The following ARHGEF7 variants were observed in gnomAD, a reference collection of about 807,000 sequenced individuals.
The protein encoded by ARHGEF7 is PAK-interacting exchange factor beta.
A neutral mutation model predicts 109.8 loss-of-function variants in ARHGEF7; 33 were observed. The observed-to-expected ratio is 0.30, with a 90% CI of 0.23 to 0.40. The LOEUF (loss-of-function observed/expected upper bound fraction) is 0.40. Ranked by LOEUF, ARHGEF7 falls within the 10% of genes least tolerant of loss-of-function variation. The pLI is 1.00. For missense variants in ARHGEF7, 938 were observed against 1,098.5 expected (o/e 0.85, Z 2.07); for synonymous variants, 458 against 424.6 (o/e 1.08, Z -0.97).
intron 19 of ARHGEF7, chr13:111,293,436 TAAAAAAAAAAAAAA>T (rs11319592): frequency 1.5e-5 from 14 of 911,372 alleles, no homozygotes; most frequent in Non-Finnish European, 1.8e-5. Context: ...CTCACTTATT[TAAAAAAAAAAAAAA>T]AAAACTCACC....
rs75596282 is a variant in ARHGEF7, at chr13:111,285,362, G to A, written c.1951-785G>A. Among the ~76,000 whole-genome samples the A allele has an allele frequency of 8.3e-3, 1,257 of 152,300 alleles. 12 individuals carry two copies. The highest frequency in any genetic ancestry group is 0.02 in the Middle Eastern group (6 of 294). ...AGTCTTGGTCTCGCGTTTAGCATTC[G>A]TGATGGTTTATGTCGTTGGGGTGAT... On this transcript the variant is annotated intron_variant, in intron 16 of 21. Coordinates refer to ENST00000646102, the MANE Select transcript of ARHGEF7 (RefSeq NM_001354046.2).
At chr13:111,261,321 A>T (rs1204591106) in intron 8 of ARHGEF7, among the ~76,000 whole-genome samples, 1 of 152,242 alleles carries the variant, frequency 6.6e-6, no homozygotes. Context: ...AGGAGTAGCT[A>T]GACTTATATC....
At chr13:111,282,441 C>T (rs1426512484) in intron 15 of ARHGEF7, among the ~76,000 whole-genome samples, 1 of 152,008 alleles carries the variant, frequency 6.6e-6, no homozygotes, top group Non-Finnish European at 1.5e-5. Context: ...GCACACCGCT[C>T]TAAGAAGTTA....
intron 7 of ARHGEF7, 61 bp from the exon 8 acceptor site, chr13:111,244,138 A>G: frequency 7.3e-7 from 1 of 1,366,640 alleles, no homozygotes; most frequent in Non-Finnish European, 1.0e-6. Context: ...TGGGATGGCA[A>G]AGGAGAAGAA....
chr13:111,121,634 C>T (rs2067208426), intron 1 of ARHGEF7, among the ~76,000 whole-genome samples: 1 of 152,152 alleles, frequency 6.6e-6, no homozygotes, highest in Non-Finnish European at 1.5e-5. Flanking sequence ...AGAGGCACAT[C>T]ATCCCTTTGG....
intron 4 of ARHGEF7, among the ~76,000 whole-genome samples, chr13:111,215,969 G>A (rs111870092): frequency 3.8e-4 from 58 of 152,254 alleles, no homozygotes; most frequent in African/African-American, 1.1e-3. Context: ...TGGTGCGTGG[G>A]AGGTAAATTT....
At chr13:111,246,208 G>A (rs540949839) in intron 8 of ARHGEF7, among the ~76,000 whole-genome samples, 127 of 152,290 alleles carry the variant, frequency 8.3e-4, no homozygotes, top group African/African-American at 2.9e-3. Flanking sequence ...TATCAGGTGA[G>A]GTTTCTTTAC....
rs936979979 is a variant in ARHGEF7 at position 111,126,022 on chromosome 13, A to G, written c.165+10331A>G. Among the ~76,000 whole-genome samples the G allele has an allele frequency of 2.6e-5, 4 of 152,340 alleles. No homozygotes were observed. The South Asian group carries it at 6.2e-4, about 24-fold the overall frequency. On this transcript the variant is annotated intron_variant, in intron 1 of 21. Transcript: ENST00000646102. ...GTGGAATCAGTCCAGGCCTCTGTTTACCTTGAGCAATGTCATTGGGGCTTC... is the reference window on the plus strand; with the variant it reads ...GTGGAATCAGTCCAGGCCTCTGTTTGCCTTGAGCAATGTCATTGGGGCTTC...
chr13:111,265,953 G>A (rs1567010418), intron 8 of ARHGEF7, among the ~76,000 whole-genome samples: 1 of 152,238 alleles, frequency 6.6e-6, no homozygotes, highest in East Asian at 1.9e-4. Context: ...CTGAGGCCGT[G>A]TGCTTATCGG....
chr13:111,256,053 G>A (rs1245065507), intron 8 of ARHGEF7, among the ~76,000 whole-genome samples: 1 of 151,974 alleles, frequency 6.6e-6, no homozygotes, highest in African/African-American at 2.4e-5. Flanking sequence ...ATTTTTAACC[G>A]CCAGCTAGTT....
intron 1 of ARHGEF7, among the ~76,000 whole-genome samples, chr13:111,127,668 AAAAAAG>A (rs1280346703): frequency 2.3e-4 from 35 of 149,746 alleles, no homozygotes; most frequent in South Asian, 1.1e-3. Flanking sequence ...AAAAAAAAAA[AAAAAAG>A]AAGGAAGGAA....
intron 2 of ARHGEF7, among the ~76,000 whole-genome samples, chr13:111,175,218 C>T (rs985474771): frequency 6.6e-6 from 1 of 152,232 alleles, no homozygotes; most frequent in Non-Finnish European, 1.5e-5. Context: ...CTGAGGGCCC[C>T]TGTGGGTCCC....
chr13:111,271,627 C>G, intron 9 of ARHGEF7, among the ~76,000 whole-genome samples: 1 of 152,206 alleles, frequency 6.6e-6, no homozygotes, highest in East Asian at 1.9e-4. Flanking sequence ...AGTGCACTTG[C>G]TCTCGTGCGT....
intron 2 of ARHGEF7, among the ~76,000 whole-genome samples, chr13:111,173,804 G>A (rs1054238682): frequency 6.6e-6 from 1 of 152,130 alleles, no homozygotes; most frequent in Admixed American, 6.5e-5. Context: ...TGGGAGGTCA[G>A]GGGGTGGGTG....
chr13:111,290,664 T>C (rs1267097416), intron 18 of ARHGEF7, among the ~76,000 whole-genome samples: 2 of 152,260 alleles, frequency 1.3e-5, no homozygotes, highest in African/African-American at 4.8e-5. Flanking sequence ...TTCCTTTTCT[T>C]TTCTTGTCAC....
intron 6 of ARHGEF7, among the ~76,000 whole-genome samples, chr13:111,235,527 G>A (rs1324011327): frequency 6.6e-6 from 1 of 152,114 alleles, no homozygotes; most frequent in Non-Finnish European, 1.5e-5. Context: ...TCTATATAAA[G>A]CTGCATTTAT....
chr13:111,205,100 A>G (rs2081647184), intron 2 of ARHGEF7, among the ~76,000 whole-genome samples, 189 bp from the exon 3 acceptor site: 1 of 152,060 alleles, frequency 6.6e-6, no homozygotes, highest in African/African-American at 2.4e-5. Flanking sequence ...CCCTGCACCT[A>G]AGTAGGAGAA....
rs1176640502 is a variant in ARHGEF7 at position 111,272,767 on chromosome 13, G to A, written c.1074-1047G>A. Among the ~76,000 whole-genome samples the A allele has an allele frequency of 6.6e-6, 1 of 152,156 alleles. No homozygotes were observed. Among genetic ancestry groups the A allele is most frequent in the Non-Finnish European group, 1.5e-5 (1 of 68,024 alleles). ...CTGTGGGCTGTACACTGTCAGATGT[G>A]TGGACTGATGGCACATGCAATTTGA... is the stretch of plus-strand genomic sequence containing the variant. On this transcript the variant is annotated intron_variant, in intron 9 of 21. Transcript: ENST00000646102. This position sits in a 1 kb window ranked among gnomAD's most constrained non-coding sequence, Gnocchi z 5.2.
At chr13:111,200,813 G>A (rs1178051868) in intron 2 of ARHGEF7, among the ~76,000 whole-genome samples, 1 of 152,168 alleles carries the variant, frequency 6.6e-6, no homozygotes, top group Non-Finnish European at 1.5e-5. Flanking sequence ...GCCCCTTCTG[G>A]CATCTGGAAT....
Sources: gnomAD v4.1 joint callset for allele counts (sites outside exome capture counted in the v4.1 genomes callset) on GRCh38, gnomAD v4.1.1 for gene constraint, Gnocchi (gnomAD v3.1) non-coding constraint, MANE v1.5 for transcripts, NCBI Gene and HGNC (gene_info 2026-07-23, HGNC 2026-07-21) for gene names.